Variants in PEX5 observed in about 807,000 individuals in gnomAD.
PEX5 encodes peroxisomal biogenesis factor 5.
In PEX5, 52 loss-of-function variants were observed where a neutral mutation model predicts 82.9. The observed-to-expected ratio is 0.63, with a 90% confidence interval of 0.50 to 0.79. The LOEUF (loss-of-function observed/expected upper bound fraction) is 0.79, where lower values mean the gene tolerates loss of function less well. Among genes scored for constraint, PEX5 ranks in the 30% least tolerant of loss-of-function variants. The pLI is 0.00. For missense variants in PEX5, 719 were observed against 815.2 expected (o/e 0.88, Z 1.44); for synonymous variants, 300 against 318.8 (o/e 0.94, Z 0.63).
chr12:7,207,607 C>T, intron 10 of PEX5, 52 bp from the exon 11 acceptor site: 1 of 1,593,712 alleles, frequency 6.3e-7, no homozygotes, highest in Non-Finnish European at 8.6e-7. Context: ...CACATCCCTG[C>T]TGTTCTGACG....
At position 7,200,105 on chromosome 12, in the gene PEX5, C is replaced by T. The variant is rs775826849; in HGVS notation, c.551+992C>T. ...CCTCCCTCCCGGACGGGGTGGCTGC[C>T]GGGCGGAGACGCTCCTCACTTCCCA... On this transcript the variant is annotated intron_variant, in intron 6 of 15. Transcript: ENST00000675855. Among the ~76,000 whole-genome samples the T allele has an allele frequency of 6.9e-3, 1,018 of 147,950 alleles. 29 individuals carry two copies. Among genetic ancestry groups the T allele is most frequent in the African/African-American group, 0.023 (923 of 40,482 alleles).
At chr12:7,213,485 C>CTATT (rs2136289848), downstream of PEX5, among the ~76,000 whole-genome samples, 1 of 126,718 alleles carries the variant, frequency 7.9e-6, no homozygotes, top group East Asian at 2.1e-4. Flanking sequence ...AAAGGATTCC[C>CTATT]TATTTAATAA....
downstream of PEX5, among the ~76,000 whole-genome samples, chr12:7,213,425 G>A (rs868573124): frequency 8.1e-3 from 901 of 111,198 alleles, 5 homozygotes; most frequent in Middle Eastern, 0.031. Context: ...AAATAACACC[G>A]CATATCTACA....
chr12:7,195,331 A>G (rs1354597465), intron 5 of PEX5, among the ~76,000 whole-genome samples: 1 of 152,164 alleles, frequency 6.6e-6, no homozygotes, highest in East Asian at 1.9e-4. Flanking sequence ...TTGATCTCAG[A>G]TGTATCCACA....
intron 6 of PEX5, among the ~76,000 whole-genome samples, chr12:7,201,530 G>C (rs528746795): frequency 2.0e-5 from 3 of 152,092 alleles, no homozygotes; most frequent in African/African-American, 7.2e-5. Flanking sequence ...CCATCTGTAT[G>C]CAAAGATATG....
chr12:7,211,854 A>T (rs1297689902), downstream of PEX5, among the ~76,000 whole-genome samples: 7 of 152,166 alleles, frequency 4.6e-5, no homozygotes, highest in Non-Finnish European at 1.0e-4. Flanking sequence ...ATCAAGTGCC[A>T]TATCAAGATG....
At chr12:7,202,752 T>A (rs762138383) in intron 9 of PEX5, 48 bp downstream of exon 9, 1 of 1,215,860 alleles carries the variant, frequency 8.2e-7, no homozygotes, top group Non-Finnish European at 1.2e-6. Flanking sequence ...AAAACACTCC[T>A]TGGAGTGAGT....
At position 7,190,508 on chromosome 12, in the gene PEX5, C is replaced by G. The variant is rs372992555; in HGVS notation, c.131C>G (p.Ala44Gly). Reference protein sequence around the residue: ...GLRPGPWPPGAPASEAASKPL... With the variant: ...GLRPGPWPPGGPASEAASKPL... ...AGGCCTGGCCCCTGGCCCCCCGGAG[C>G]CCCGGCCTCTGAGGCAGTGAGTGTT... is the stretch of plus-strand genomic sequence containing the variant. The change falls in exon 2 of 16, where the codon GCC (alanine) becomes GGC (glycine). Residue 44 changes from alanine to glycine, a missense_variant. Physicochemically the swap from Ala to Gly is moderately conservative, Grantham distance 60. Transcript: ENST00000675855. 3.1e-6 allele frequency: 5 copies of G among 1,612,068 alleles called. No homozygotes were observed. Among genetic ancestry groups the G allele is most frequent in the Non-Finnish European group, 4.2e-6 (5 of 1,179,194 alleles).
chr12:7,191,795 T>A (rs1243606381), intron 5 of PEX5, 95 bp downstream of exon 5: 9 of 1,222,010 alleles, frequency 7.4e-6, no homozygotes, highest in Non-Finnish European at 1.1e-5. Flanking sequence ...ACGATTTTTC[T>A]GGTCTCATGA....
chr12:7,199,755 G>A (rs1376004932), intron 6 of PEX5, among the ~76,000 whole-genome samples: 2 of 150,772 alleles, frequency 1.3e-5, no homozygotes, highest in Admixed American at 6.6e-5. Context: ...CAGGCAGAGG[G>A]GCTCCTCACT....
At chr12:7,201,436 ACTAT>A (rs1350943128) in intron 6 of PEX5, among the ~76,000 whole-genome samples, 3 of 152,136 alleles carry the variant, frequency 2.0e-5, no homozygotes, top group South Asian at 2.1e-4. Flanking sequence ...AAGAATCCTA[ACTAT>A]CCTATATGAC....
intron 6 of PEX5, among the ~76,000 whole-genome samples, chr12:7,201,300 CAT>C (rs895253898): frequency 1.2e-3 from 36 of 29,004 alleles, no homozygotes; most frequent in Admixed American, 2.1e-3. Context: ...TGTATACACA[CAT>C]ACACATACAC....
intron 5 of PEX5, among the ~76,000 whole-genome samples, chr12:7,194,849 A>T (rs1941811055): frequency 1.3e-5 from 2 of 152,198 alleles, no homozygotes; most frequent in Admixed American, 1.3e-4. Context: ...CTTTGGAATA[A>T]CAGTCTCATT....
chr12:7,214,838 G>A (rs1010302157), downstream of PEX5, among the ~76,000 whole-genome samples: 2 of 151,864 alleles, frequency 1.3e-5, no homozygotes, highest in Non-Finnish European at 2.9e-5. Flanking sequence ...TTCGGATATA[G>A]ACTATTACCT....
At chr12:7,209,420 T>G (rs1257105537) in intron 14 of PEX5, among the ~76,000 whole-genome samples, 4 of 152,272 alleles carry the variant, frequency 2.6e-5, no homozygotes, top group Admixed American at 2.0e-4. Flanking sequence ...CAGTGTTCCA[T>G]GTACTGACTG....
At chr12:7,192,946 C>T (rs1197123081) in intron 5 of PEX5, among the ~76,000 whole-genome samples, 1 of 152,194 alleles carries the variant, frequency 6.6e-6, no homozygotes, top group African/African-American at 2.4e-5. Context: ...AATCTAAAAA[C>T]TAAAACTCAC....
chr12:7,202,079 CCTTT>C, intron 7 of PEX5, 158 bp from the exon 8 acceptor site: 1 of 1,125,488 alleles, frequency 8.9e-7, no homozygotes, highest in Non-Finnish European at 1.3e-6. Flanking sequence ...GCCAGAAATC[CCTTT>C]CTTTTTGCTC....
At chr12:7,189,120 A>C (rs1940423260), upstream of PEX5, 1 of 151,618 alleles carries the variant, frequency 6.6e-6, no homozygotes, top group African/African-American at 2.4e-5. Flanking sequence ...AGAGGTGGAG[A>C]GGGATTAAGG....
intron 17 of PEX5, among the ~76,000 whole-genome samples, chr12:7,216,940 ATTACT>A (rs1216989462): frequency 1.3e-5 from 2 of 152,206 alleles, no homozygotes; most frequent in African/African-American, 2.4e-5. Context: ...TTAATAAATT[ATTACT>A]TTATTCACAC....
Sources: gnomAD v4.1 joint callset for allele counts (sites outside exome capture counted in the v4.1 genomes callset) on GRCh38, gnomAD v4.1.1 for gene constraint, MANE v1.5 for transcripts, NCBI Gene and HGNC (gene_info 2026-07-23, HGNC 2026-07-21) for gene names.